DIS3L: variants seen among roughly 807,000 people sequenced by gnomAD.
The protein encoded by DIS3L is DIS3-like exonuclease 1.
In DIS3L, 100 loss-of-function variants were observed where a neutral mutation model predicts 120.3. The ratio of observed to expected loss-of-function variants is 0.83; its 90% CI spans 0.71 to 0.98. The LOEUF (loss-of-function observed/expected upper bound fraction) is 0.98, where lower values mean the gene tolerates loss of function less well. Among genes scored for constraint, DIS3L ranks in the 50% least tolerant of loss-of-function variants. DIS3L has a pLI of 0.00. For synonymous variants in DIS3L, 426 were observed against 470.6 expected (o/e 0.91, Z 1.23); for missense variants, 1,196 against 1,314.2 (o/e 0.91, Z 1.39).
intron 1 of DIS3L, 104 bp from the exon 2 acceptor site, chr15:66,294,884 G>A: frequency 8.4e-7 from 1 of 1,188,712 alleles, no homozygotes; most frequent in Non-Finnish European, 1.2e-6. Flanking sequence ...TCCCACCATG[G>A]AGTTAAGACT....
At chr15:66,310,567 G>A (rs1009852961) in intron 4 of DIS3L, among the ~76,000 whole-genome samples, 4 of 152,282 alleles carry the variant, frequency 2.6e-5, no homozygotes, top group Admixed American at 2.6e-4. Flanking sequence ...GAGCCAAGAT[G>A]ATAAATCCCT....
intron 6 of DIS3L, among the ~76,000 whole-genome samples, chr15:66,314,639 C>T (rs2092798925): frequency 6.6e-6 from 1 of 152,198 alleles, no homozygotes; most frequent in African/African-American, 2.4e-5. Flanking sequence ...CGTCAGCATT[C>T]CCCCTGTCGG....
chr15:66,299,721 A>G (rs2092626929), intron 2 of DIS3L, among the ~76,000 whole-genome samples: 1 of 152,188 alleles, frequency 6.6e-6, no homozygotes, highest in Non-Finnish European at 1.5e-5. Context: ...TCCTAAGTGT[A>G]TAACTAAGAG....
rs2140421494 is a variant in DIS3L at position 66,332,022 on chromosome 15, T to C, written c.2681+2T>C. On this transcript the variant is annotated splice_donor_variant, in intron 15 of 16. Coordinates refer to ENST00000319212, the MANE Select transcript of DIS3L (RefSeq NM_001143688.3). LOFTEE classifies it high-confidence loss of function. The stretch of plus-strand genomic sequence containing the variant: ...TGGTGTGCTTCTATTTATACCAAGG[T>C]ATGTTACATCTAATGCAATGGTGCA... 2 of 1,606,552 alleles carry C rather than the reference T, an allele frequency of 1.2e-6. No individual in the cohort carries two copies. Among genetic ancestry groups the C allele is most frequent in the Admixed American group, 3.4e-5 (2 of 59,560 alleles).
chr15:66,307,288 T>C (rs1267195656), intron 3 of DIS3L, among the ~76,000 whole-genome samples: 1 of 151,924 alleles, frequency 6.6e-6, no homozygotes, highest in Non-Finnish European at 1.5e-5. Context: ...CTTTTTTGTT[T>C]TTTTATTTTT....
chr15:66,322,993 T>C, intron 10 of DIS3L, 59 bp downstream of exon 10: 1 of 1,588,664 alleles, frequency 6.3e-7, no homozygotes, highest in Non-Finnish European at 8.6e-7. Flanking sequence ...ATTTTGTGTC[T>C]GTACTAGTTT....
chr15:66,332,516 A>G (rs8032684), intron 15 of DIS3L, among the ~76,000 whole-genome samples: 37,974 of 90,406 alleles, frequency 0.42, 5,738 homozygotes, highest in South Asian at 0.48. Context: ...GTGTGTGTGT[A>G]TATATATACA....
chr15:66,309,094 A>AAAAAAAAAAAAAAAAAAATATATATATAT, intron 4 of DIS3L, among the ~76,000 whole-genome samples: 1 of 15,316 alleles, frequency 6.5e-5, no homozygotes, highest in Non-Finnish European at 1.2e-4. Flanking sequence ...AAAAAAAAAA[A>AAAAAAAAAAAAAAAAAAATATATATATAT]ATATATATAT....
Position 66,329,290 on chromosome 15 carries a change from G to A in DIS3L, c.2426G>A (p.Arg809His), listed in dbSNP as rs772589174. The A allele has an allele frequency of 2.5e-5, 40 of 1,613,840 alleles. No individual in the cohort carries two copies. Among genetic ancestry groups the A allele is most frequent in the Non-Finnish European group, 3.3e-5 (39 of 1,179,978 alleles). Residue 809 changes from arginine (R) to histidine (H), a missense_variant, in exon 14 of 17, where the codon CGC becomes CAC. Coordinates refer to ENST00000319212, the MANE Select transcript of DIS3L (RefSeq NM_001143688.3). Reference protein sequence around the residue: ...IRRYSDIVVHRLLMAAISKDK... With the variant: ...IRRYSDIVVHHLLMAAISKDK... Reference sequence around the variant, plus strand: ...AGATATTCAGATATTGTAGTACACCGCTTGTTAATGGCAGCCATTTCAAAA... The same window carrying A: ...AGATATTCAGATATTGTAGTACACCACTTGTTAATGGCAGCCATTTCAAAA...
chr15:66,330,021 G>A (rs749100356), intron 14 of DIS3L: 149 of 984,770 alleles, frequency 1.5e-4, no homozygotes, highest in Non-Finnish European at 1.7e-4. Flanking sequence ...TAAAAATATC[G>A]GCCAGATGCG....
intron 7 of DIS3L, among the ~76,000 whole-genome samples, chr15:66,317,344 GGAA>G (rs1327897969): frequency 2.0e-4 from 16 of 79,070 alleles, no homozygotes; most frequent in African/African-American, 4.2e-4. Flanking sequence ...AATATTTGTG[GGAA>G]AAAAAAAAAA....
intron 2 of DIS3L, among the ~76,000 whole-genome samples, chr15:66,302,073 G>T (rs566501668): frequency 1.3e-5 from 2 of 152,194 alleles, no homozygotes; most frequent in East Asian, 3.9e-4. Flanking sequence ...GCAGAGAACA[G>T]AATTCAAGAA....
chr15:66,320,007 C>T (rs568494334), intron 8 of DIS3L, among the ~76,000 whole-genome samples: 2 of 150,426 alleles, frequency 1.3e-5, no homozygotes, highest in East Asian at 3.9e-4. Flanking sequence ...GCTTGTAATC[C>T]TAGCTATGTG....
At position 66,333,527 on chromosome 15, in the gene DIS3L, G is replaced by T; in HGVS notation, c.*215G>T. ...GGGCGGATCACGAGGTCAGGAGATT[G>T]AGACCATCCTGGCTAACACGGTGAA... is the stretch of plus-strand genomic sequence containing the variant. On this transcript the variant is annotated 3_prime_UTR_variant, in exon 17 of 17. Transcript: ENST00000319212. The T allele has an allele frequency of 2.4e-6, 1 of 415,412 alleles. No homozygotes were observed. The highest frequency in any genetic ancestry group is 3.3e-5 in the South Asian group (1 of 30,430). The allele number at this position is 415,412 out of a possible 1,614,324, so 25.7% of individuals were successfully genotyped here.
At chr15:66,295,278 G>T (rs1345610773) in intron 2 of DIS3L, 137 bp downstream of exon 2, 5 of 789,248 alleles carry the variant, frequency 6.3e-6, no homozygotes, top group African/African-American at 1.7e-5. Context: ...TATTCTCTTT[G>T]ATAGTGAGGA....
intron 15 of DIS3L, among the ~76,000 whole-genome samples, chr15:66,332,367 G>C (rs547179371): frequency 1.9e-4 from 29 of 150,650 alleles, no homozygotes; most frequent in Admixed American, 8.0e-4. Context: ...TGAGGCAGGA[G>C]AATCACTTGA....
chr15:66,326,318 G>C lies in DIS3L; in HGVS notation c.2155G>C (p.Glu719Gln). The C allele has an allele frequency of 6.2e-7, 1 of 1,614,110 alleles. No individual in the cohort carries two copies. Among genetic ancestry groups the C allele is most frequent in the Non-Finnish European group, 8.5e-7 (1 of 1,180,018 alleles). Residue 719 changes from glutamate (E) to glutamine (Q), a missense_variant, in exon 12 of 17, where the codon GAA becomes CAA. Glu to Gln is a conservative substitution (Grantham distance 29). Coordinates refer to ENST00000319212, the MANE Select transcript of DIS3L (RefSeq NM_001143688.3). ...TCCTCCACACCAGGAGTTCTTTTCA[G>C]AACTCCGGGAATGTGCTAAAGCCAA... is the stretch of plus-strand genomic sequence containing the variant. ...HPPPHQEFFS[E>Q]LRECAKAKGF...
At position 66,314,030 on chromosome 15, in the gene DIS3L, T is replaced by C; in HGVS notation, c.736-9T>C. 6.5e-7 allele frequency: 1 copy of C among 1,545,034 alleles called. No homozygotes were observed. Among genetic ancestry groups the C allele is most frequent in the South Asian group, 1.2e-5 (1 of 80,776 alleles). ...TTTTTCATATTGATTTTTTAAATTA[T>C]GATTTTAGGGAATTCTGAATGTCAA... On this transcript the variant is annotated splice_polypyrimidine_tract_variant and intron_variant, in intron 5 of 16. Transcript: ENST00000319212.
chr15:66,295,198 A>C, intron 2 of DIS3L, 57 bp downstream of exon 2: 1 of 1,533,588 alleles, frequency 6.5e-7, no homozygotes. Context: ...ACCTTAGAAA[A>C]GGTCCCTTGT....
Sources: gnomAD v4.1 joint callset for allele counts (sites outside exome capture counted in the v4.1 genomes callset) on GRCh38, gnomAD v4.1.1 for gene constraint, MANE v1.5 for transcripts, NCBI Gene and HGNC (gene_info 2026-07-23, HGNC 2026-07-21) for gene names.